TRPM3: variants seen among roughly 807,000 people sequenced by gnomAD.
The protein encoded by TRPM3 is long transient receptor potential channel 3.
Under a neutral mutation model 181.2 loss-of-function variants are expected in TRPM3, and 77 were observed. The observed-to-expected ratio is 0.42, with a 90% confidence interval of 0.35 to 0.51. TRPM3 has a LOEUF of 0.51. Among genes scored for constraint, TRPM3 ranks in the 20% least tolerant of loss-of-function variants. The pLI, the probability that TRPM3 is intolerant of heterozygous loss-of-function variation, is 0.01. For synonymous variants in TRPM3, 745 were observed against 796.4 expected (o/e 0.94, Z 1.09); for missense variants, 1,759 against 2,196.7 (o/e 0.80, Z 3.98).
intron 1 of TRPM3, among the ~76,000 whole-genome samples, chr9:71,093,245 A>G (rs780863404): frequency 6.6e-6 from 1 of 152,208 alleles, no homozygotes; most frequent in Non-Finnish European, 1.5e-5. Flanking sequence ...GGATCTAATC[A>G]AACTAAAGAG....
chr9:70,975,909 C>T (rs1008586241), intron 1 of TRPM3, among the ~76,000 whole-genome samples: 8 of 152,226 alleles, frequency 5.3e-5, no homozygotes, highest in African/African-American at 1.7e-4. Context: ...CCTTGAATGG[C>T]TGCTGTGAGA....
intron 3 of TRPM3, among the ~76,000 whole-genome samples, chr9:70,856,377 C>T (rs2095388499): frequency 6.6e-6 from 1 of 152,186 alleles, no homozygotes; most frequent in Non-Finnish European, 1.5e-5. Context: ...GTATGTAAAG[C>T]TGCTTGGTTA....
At chr9:70,953,294 G>A (rs1207661458) in intron 1 of TRPM3, among the ~76,000 whole-genome samples, 1 of 152,162 alleles carries the variant, frequency 6.6e-6, no homozygotes, top group East Asian at 1.9e-4. Flanking sequence ...GGATGATTGG[G>A]AGACTGTGTC....
chr9:70,594,696 T>C (rs920269237), intron 21 of TRPM3, among the ~76,000 whole-genome samples: 11 of 152,190 alleles, frequency 7.2e-5, no homozygotes, highest in African/African-American at 2.2e-4. Flanking sequence ...CAAAGACTCA[T>C]AGTACCAATT....
At chr9:70,677,178 A>G (rs933671514) in intron 9 of TRPM3, among the ~76,000 whole-genome samples, 2 of 152,142 alleles carry the variant, frequency 1.3e-5, no homozygotes, top group African/African-American at 4.8e-5. Context: ...ATGTCGGCTT[A>G]CCATTGCCAT....
chr9:71,162,436 T>C (rs889492174), intron 1 of TRPM3, among the ~76,000 whole-genome samples: 1 of 152,038 alleles, frequency 6.6e-6, no homozygotes, highest in Non-Finnish European at 1.5e-5. Flanking sequence ...TTTAGATCAC[T>C]AGTTTTTCTG....
At chr9:71,119,877 C>G (rs2073235675) in intron 1 of TRPM3, among the ~76,000 whole-genome samples, 1 of 152,198 alleles carries the variant, frequency 6.6e-6, no homozygotes, top group African/African-American at 2.4e-5. Context: ...TTCTACTACC[C>G]ATACCCAAAC....
In TRPM3 at chr9:70,899,798, C is replaced by T. The variant is rs568678683; in HGVS notation, c.178-35287G>A. On this transcript the variant is annotated intron_variant, in intron 1 of 25. Coordinates refer to ENST00000677713, the MANE Select transcript of TRPM3 (RefSeq NM_001366145.2). ...GTTAGGAACCCTCTCTGCTTTATTGCTATAGACGTAGTTCTTAGCATCATG... is the reference window on the plus strand; with the variant it reads ...GTTAGGAACCCTCTCTGCTTTATTGTTATAGACGTAGTTCTTAGCATCATG... Among the ~76,000 whole-genome samples the T allele has an allele frequency of 5.9e-5, 9 of 152,232 alleles. 1 individual carries two copies. The South Asian group carries it at 1.9e-3, about 32-fold the overall frequency.
At chr9:70,980,341 C>A (rs567302519) in intron 1 of TRPM3, among the ~76,000 whole-genome samples, 1 of 151,422 alleles carries the variant, frequency 6.6e-6, no homozygotes, top group South Asian at 2.1e-4. Flanking sequence ...GCAGAGGGAG[C>A]AGCAGCATGA....
intron 1 of TRPM3, among the ~76,000 whole-genome samples, chr9:70,881,431 G>A (rs545444421): frequency 6.6e-6 from 1 of 152,240 alleles, no homozygotes; most frequent in Admixed American, 6.5e-5. Context: ...TAAGTAACAT[G>A]GAATTTGATT....
At chr9:71,414,363 C>A (rs896558482) in intron 1 of TRPM3, among the ~76,000 whole-genome samples, 2 of 152,044 alleles carry the variant, frequency 1.3e-5, no homozygotes, top group Admixed American at 1.3e-4. Context: ...GTGAAACAGA[C>A]TTTATATCAC....
At chr9:71,365,633 A>C (rs2092310812) in intron 1 of TRPM3, among the ~76,000 whole-genome samples, 1 of 152,102 alleles carries the variant, frequency 6.6e-6, no homozygotes, top group Non-Finnish European at 1.5e-5. Context: ...ATCCCTCCTT[A>C]TTATATTGGG....
intron 1 of TRPM3, among the ~76,000 whole-genome samples, chr9:71,038,892 C>T (rs1024060291): frequency 7.2e-5 from 11 of 152,128 alleles, no homozygotes; most frequent in African/African-American, 2.4e-5. Flanking sequence ...CAGAAAGATG[C>T]TCAGTCAGTT....
intron 25 of TRPM3, among the ~76,000 whole-genome samples, chr9:70,541,358 G>A (rs1312473093): frequency 6.6e-6 from 1 of 152,094 alleles, no homozygotes; most frequent in East Asian, 1.9e-4. Flanking sequence ...CAGAATGCTG[G>A]GTGTGTTCAA....
intron 1 of TRPM3, among the ~76,000 whole-genome samples, chr9:71,302,606 T>C (rs1169781440): frequency 6.6e-6 from 1 of 152,148 alleles, no homozygotes; most frequent in Non-Finnish European, 1.5e-5. Flanking sequence ...ACTTTTAAAT[T>C]TCAAAATGAG....
intron 24 of TRPM3, among the ~76,000 whole-genome samples, chr9:70,552,351 T>C (rs1382342735): frequency 1.3e-5 from 2 of 152,340 alleles, no homozygotes; most frequent in Non-Finnish European, 2.9e-5. Flanking sequence ...AAGGGTCTTC[T>C]GTTTTGTCCT....
intron 1 of TRPM3, among the ~76,000 whole-genome samples, chr9:70,935,836 G>T (rs541939214): frequency 2.0e-5 from 3 of 152,032 alleles, no homozygotes; most frequent in Non-Finnish European, 2.9e-5. Flanking sequence ...AATATCCTTC[G>T]GTATGTTGTT....
At chr9:71,280,191 G>C (rs1169743404) in intron 1 of TRPM3, among the ~76,000 whole-genome samples, 1 of 152,018 alleles carries the variant, frequency 6.6e-6, no homozygotes, top group African/African-American at 2.4e-5. Flanking sequence ...CAACTAAGCA[G>C]TTTCCTCCAG....
chr9:71,296,990 T>TTTC (rs1167960981), intron 1 of TRPM3, among the ~76,000 whole-genome samples: 1 of 51,958 alleles, frequency 1.9e-5, no homozygotes, highest in African/African-American at 4.0e-5. Flanking sequence ...AATCTTTTCT[T>TTTC]TTTTTTTTTT....
Sources: gnomAD v4.1 joint callset for allele counts (sites outside exome capture counted in the v4.1 genomes callset) on GRCh38, gnomAD v4.1.1 for gene constraint, MANE v1.5 for transcripts, NCBI Gene and HGNC (gene_info 2026-07-23, HGNC 2026-07-21) for gene names.